Variants in TYW3 observed in about 807,000 individuals in gnomAD.
TYW3 encodes tRNA-yW synthesizing protein 3 homolog, also known as tRNA wybutosine-synthesizing protein 3 homolog.
TYW3 carries 26 observed loss-of-function variants against 23.1 expected under a neutral mutation model. That is an observed-to-expected ratio of 1.13 (90% confidence interval 0.83 to 1.56). The LOEUF (loss-of-function observed/expected upper bound fraction) is 1.56. Ranked by LOEUF, TYW3 falls within the 40% of genes most tolerant of loss-of-function variation. TYW3 has a pLI of 0.00. For missense variants in TYW3, 316 were observed against 311.9 expected (o/e 1.01, Z -0.10); for synonymous variants, 102 against 105.7 (o/e 0.97, Z 0.21).
intron 3 of TYW3, among the ~76,000 whole-genome samples, chr1:74,742,686 C>A (rs1648406235): frequency 6.6e-6 from 1 of 152,164 alleles, no homozygotes; most frequent in Admixed American, 6.5e-5. Flanking sequence ...TGTAGTAACT[C>A]CATAATTTCC....
chr1:74,749,364 T>C (rs1370845881), intron 4 of TYW3, among the ~76,000 whole-genome samples: 1 of 152,248 alleles, frequency 6.6e-6, no homozygotes, highest in African/African-American at 2.4e-5. Flanking sequence ...AGATACTATA[T>C]GCCTTGCAAA....
chr1:74,733,491 G>T, intron 1 of TYW3, 73 bp downstream of exon 1: 1 of 1,567,150 alleles, frequency 6.4e-7, no homozygotes, highest in Middle Eastern at 1.8e-4. Flanking sequence ...CCCATCCAGT[G>T]ACGACCGGAT....
intron 5 of TYW3, among the ~76,000 whole-genome samples, chr1:74,761,011 AG>A (rs1649119718): frequency 6.6e-6 from 1 of 152,134 alleles, no homozygotes; most frequent in African/African-American, 2.4e-5. Context: ...GAAAAACTGA[AG>A]GCTATTTGCT....
chr1:74,763,348 C>G (rs1358439459), intron 5 of TYW3, among the ~76,000 whole-genome samples: 1 of 151,844 alleles, frequency 6.6e-6, no homozygotes, highest in Non-Finnish European at 1.5e-5. Context: ...AAATAAAGGC[C>G]AATCTAGATG....
chr1:74,738,714 G>A lies in TYW3; in HGVS notation c.280G>A (p.Gly94Ser), dbSNP rs752615719. The A allele has an allele frequency of 6.2e-7, 1 of 1,608,306 alleles. No individual in the cohort carries two copies. Among genetic ancestry groups the A allele is most frequent in the East Asian group, 2.2e-5 (1 of 44,814 alleles). The change falls in exon 3 of 6, where the codon GGT becomes AGT. Residue 94 changes from glycine to serine, a missense_variant. Coordinates refer to ENST00000370867, the MANE Select transcript of TYW3 (RefSeq NM_138467.3). ...GATTGTAGCTCTGAAGAAAGCAAAT[G>A]GTGATGCCACTTTGAAATTTGAACC... Reference protein sequence around the residue: ...DVIVALKKANGDATLKFEPFV... With the variant: ...DVIVALKKANSDATLKFEPFV...
chr1:74,751,183 A>G (rs1044182894), intron 4 of TYW3: 1 of 152,082 alleles, frequency 6.6e-6, no homozygotes, highest in East Asian at 1.9e-4. Flanking sequence ...TGCCTTTCCC[A>G]TAAAGCTGAG....
At chr1:74,745,316 C>G (rs1401158399) in intron 3 of TYW3, among the ~76,000 whole-genome samples, 1 of 152,202 alleles carries the variant, frequency 6.6e-6, no homozygotes, top group Non-Finnish European at 1.5e-5. Context: ...GAGTGGCCAG[C>G]TTTTATTCCC....
intron 5 of TYW3, among the ~76,000 whole-genome samples, chr1:74,755,426 AT>A (rs1272926106): frequency 6.6e-6 from 1 of 152,240 alleles, no homozygotes; most frequent in African/African-American, 2.4e-5. Flanking sequence ...AAGTGGGATC[AT>A]ACAATATGCA....
chr1:74,736,897 T>G (rs552968263), intron 2 of TYW3, among the ~76,000 whole-genome samples: 2 of 152,332 alleles, frequency 1.3e-5, no homozygotes, highest in South Asian at 4.1e-4. Flanking sequence ...AATTTTGAAT[T>G]TTAATTCTGC....
chr1:74,765,839 A>T lies in TYW3; in HGVS notation c.*1726A>T, dbSNP rs1307817563. ...GAATATATGAATGAGAATTAAGAAG[A>T]GAGGGGCTGCTTCCTAATCTGTTTA... On this transcript the variant is annotated 3_prime_UTR_variant, in exon 6 of 6. Coordinates refer to ENST00000370867, the MANE Select transcript of TYW3 (RefSeq NM_138467.3). 6.6e-6 allele frequency: 1 copy of T among 152,122 alleles called. No individual in the cohort carries two copies. Among genetic ancestry groups the T allele is most frequent in the East Asian group, 1.9e-4 (1 of 5,182 alleles). 9.4% of individuals were successfully genotyped at this position (152,122 alleles called of 1,614,324 possible).
chr1:74,743,151 G>A (rs1279993896), intron 3 of TYW3, among the ~76,000 whole-genome samples: 2 of 152,184 alleles, frequency 1.3e-5, no homozygotes, highest in African/African-American at 4.8e-5. Context: ...CGGGCAGCTT[G>A]TTTCTCGTTG....
intron 2 of TYW3, among the ~76,000 whole-genome samples, chr1:74,738,272 T>G (rs1461342375): frequency 6.6e-6 from 1 of 152,190 alleles, no homozygotes; most frequent in East Asian, 1.9e-4. Context: ...TACAGGATGC[T>G]TCTTGGGAAC....
At chr1:74,738,117 C>A (rs28651134) in intron 2 of TYW3, among the ~76,000 whole-genome samples, 97,146 of 150,554 alleles carry the variant, frequency 0.65, 31,923 homozygotes, top group East Asian at 0.78. Flanking sequence ...GAAAAAAAAA[C>A]AAACAAAAAA....
At chr1:74,736,870 G>C (rs1648173177) in intron 2 of TYW3, among the ~76,000 whole-genome samples, 1 of 152,132 alleles carries the variant, frequency 6.6e-6, no homozygotes, top group Non-Finnish European at 1.5e-5. Context: ...ATGGATATTG[G>C]ACACCTATTG....
intron 1 of TYW3, 50 bp from the exon 2 acceptor site, chr1:74,736,491 AT>A: frequency 7.2e-7 from 1 of 1,390,610 alleles, no homozygotes; most frequent in South Asian, 1.4e-5. Context: ...TATGCTTATT[AT>A]TTTTGTAAAA....
intron 5 of TYW3, among the ~76,000 whole-genome samples, chr1:74,761,957 A>AT (rs1649147658): frequency 6.6e-6 from 1 of 152,100 alleles, no homozygotes; most frequent in South Asian, 2.1e-4. Context: ...TAACGGAAGG[A>AT]TGTAAAGGGT....
chr1:74,744,759 T>C (rs1029766229), intron 3 of TYW3, among the ~76,000 whole-genome samples: 8 of 152,202 alleles, frequency 5.3e-5, no homozygotes, highest in African/African-American at 1.9e-4. Context: ...TTCTTAAAGA[T>C]GGTGTGTCCG....
intron 4 of TYW3, chr1:74,751,274 ATGTG>A (rs1305976752): frequency 6.6e-6 from 1 of 152,116 alleles, no homozygotes; most frequent in Non-Finnish European, 1.5e-5. Context: ...ACATGCATGC[ATGTG>A]TGTTTCTTCT....
chr1:74,743,474 A>C (rs1553175718), intron 3 of TYW3, among the ~76,000 whole-genome samples: 1 of 151,974 alleles, frequency 6.6e-6, no homozygotes, highest in Non-Finnish European at 1.5e-5. Flanking sequence ...GGATCAGTTG[A>C]CCCTCGAGTG....
Sources: gnomAD v4.1 joint callset for allele counts (sites outside exome capture counted in the v4.1 genomes callset) on GRCh38, gnomAD v4.1.1 for gene constraint, MANE v1.5 for transcripts, NCBI Gene and HGNC (gene_info 2026-07-23, HGNC 2026-07-21) for gene names.